Variants in RBFOX1 observed in about 807,000 individuals in gnomAD.
The protein encoded by RBFOX1 is RNA binding fox-1 homolog 1.
In RBFOX1, 8 loss-of-function variants were observed where a neutral mutation model predicts 57.7. The ratio of observed to expected loss-of-function variants is 0.14; its 90% CI spans 0.08 to 0.25. The LOEUF is 0.25. RBFOX1 is among the 10% of genes least tolerant of loss of function. The probability of loss-of-function intolerance (pLI) is 1.00; values close to 1 mark genes in which losing one functional copy is unlikely to be tolerated. For synonymous variants in RBFOX1, 326 were observed against 222.4 expected, an observed-to-expected ratio of 1.47 and a Z score of -4.15; for missense variants, 611 against 548.5, an observed-to-expected ratio of 1.11 and a Z score of -1.14.
chr16:6,712,613 C>G (rs1375443826), intron 3 of RBFOX1, among the ~76,000 whole-genome samples: 1 of 152,122 alleles, frequency 6.6e-6, no homozygotes, highest in Non-Finnish European at 1.5e-5. Context: ...TTAATCATTC[C>G]TTTATTCAGA....
intron 4 of RBFOX1, among the ~76,000 whole-genome samples, chr16:7,500,106 GATCA>G (rs1312351741): frequency 6.6e-6 from 1 of 152,090 alleles, no homozygotes; most frequent in African/African-American, 2.4e-5. Context: ...GTCCTTAAAA[GATCA>G]CACATTCTTA....
intron 5 of RBFOX1, among the ~76,000 whole-genome samples, chr16:7,550,621 G>A (rs376641896): frequency 3.3e-5 from 5 of 152,000 alleles, no homozygotes; most frequent in Admixed American, 1.3e-4. Context: ...TTTTTAATTC[G>A]GACCTCATTG....
chr16:5,690,042 T>C (rs2050625608), intron 3 of RBFOX1, among the ~76,000 whole-genome samples: 2 of 152,160 alleles, frequency 1.3e-5, no homozygotes, highest in African/African-American at 4.8e-5. Context: ...AGTGTGCTGG[T>C]GAAGCTGAAG....
intron 3 of RBFOX1, among the ~76,000 whole-genome samples, chr16:6,849,614 A>G (rs1462907397): frequency 6.6e-6 from 1 of 152,238 alleles, no homozygotes; most frequent in African/African-American, 2.4e-5. Context: ...GGTTTCAGTG[A>G]GCTGAGATTG....
At chr16:7,331,358 T>C (rs1169227041) in intron 4 of RBFOX1, among the ~76,000 whole-genome samples, 1 of 152,156 alleles carries the variant, frequency 6.6e-6, no homozygotes, top group Non-Finnish European at 1.5e-5. Flanking sequence ...TTGAAGGTGA[T>C]TTTCAGTGAT....
intron 4 of RBFOX1, among the ~76,000 whole-genome samples, chr16:7,087,000 T>A (rs1025754598): frequency 7.2e-5 from 11 of 152,216 alleles, no homozygotes; most frequent in South Asian, 6.2e-4. Flanking sequence ...GCTGCAGCGA[T>A]GGGCAGGACC....
At chr16:6,386,384 A>G (rs1474624363) in intron 2 of RBFOX1, among the ~76,000 whole-genome samples, 1 of 152,138 alleles carries the variant, frequency 6.6e-6, no homozygotes, top group Non-Finnish European at 1.5e-5. Flanking sequence ...TGTATTTTCT[A>G]TCATGATTAT....
chr16:7,079,038 T>G (rs1252463001), intron 4 of RBFOX1, among the ~76,000 whole-genome samples: 2 of 151,732 alleles, frequency 1.3e-5, no homozygotes, highest in East Asian at 1.9e-4. Context: ...ATATCTTTTT[T>G]GGGGGGAAAC....
chr16:5,633,904 G>C (rs947768775), intron 3 of RBFOX1, among the ~76,000 whole-genome samples: 1 of 150,576 alleles, frequency 6.6e-6, no homozygotes, highest in Non-Finnish European at 1.5e-5. Context: ...CTCAAAAGAA[G>C]ATATACAGAC....
intron 2 of RBFOX1, among the ~76,000 whole-genome samples, chr16:5,501,150 TA>T (rs1479233101): frequency 6.6e-6 from 1 of 151,782 alleles, no homozygotes; most frequent in Non-Finnish European, 1.5e-5. Flanking sequence ...ACCCCATCTC[TA>T]CTGAAAATAC....
chr16:5,961,808 A>G (rs1224149803), intron 4 of RBFOX1, among the ~76,000 whole-genome samples: 1 of 152,190 alleles, frequency 6.6e-6, no homozygotes, highest in African/African-American at 2.4e-5. Flanking sequence ...GGTTGCATGC[A>G]TGAGTCATCA....
intron 3 of RBFOX1, among the ~76,000 whole-genome samples, chr16:6,693,793 T>TCAC (rs1211897435): frequency 6.7e-6 from 1 of 149,748 alleles, no homozygotes; most frequent in Non-Finnish European, 1.5e-5. Context: ...TCCGCTGCCA[T>TCAC]CACCACCACC....
chr16:5,959,384 T>C lies in RBFOX1; in HGVS notation c.351+92049T>C, dbSNP rs555441849. On this transcript the variant is annotated intron_variant, in intron 4 of 19. Coordinates refer to the RBFOX1 transcript ENST00000641259. ...CTCAGGCCCCAAAGGTCAACTGTTATTAAAATTTTAAATTGGGTGAATGCA... is the reference window on the plus strand; with the variant it reads ...CTCAGGCCCCAAAGGTCAACTGTTACTAAAATTTTAAATTGGGTGAATGCA... 1.4e-3 allele frequency among the ~76,000 whole-genome samples: 210 copies of C among 152,314 alleles called. 1 individual carries two copies. The highest frequency in any genetic ancestry group is 2.5e-3 in the Admixed American group (39 of 15,300).
intron 2 of RBFOX1, among the ~76,000 whole-genome samples, chr16:6,535,061 C>T (rs139599994): frequency 3.9e-4 from 60 of 152,260 alleles, no homozygotes; most frequent in African/African-American, 1.4e-3. Context: ...CATCCTGCAG[C>T]AAAAGCCAGG....
intron 10 of RBFOX1, among the ~76,000 whole-genome samples, chr16:7,619,911 G>T (rs970989570): frequency 6.6e-6 from 1 of 152,152 alleles, no homozygotes; most frequent in African/African-American, 2.4e-5. Context: ...CAGTGGCTCT[G>T]CCGGACAGGA....
At chr16:7,375,697 G>C (rs1192992736) in intron 4 of RBFOX1, among the ~76,000 whole-genome samples, 1 of 152,012 alleles carries the variant, frequency 6.6e-6, no homozygotes, top group Non-Finnish European at 1.5e-5. Context: ...AGTAAAGTTT[G>C]TCCTGAGAGC....
At chr16:5,993,604 G>A (rs576016899) in intron 4 of RBFOX1, among the ~76,000 whole-genome samples, 1 of 152,214 alleles carries the variant, frequency 6.6e-6, no homozygotes, top group Admixed American at 6.5e-5. Flanking sequence ...GATGTTCTCA[G>A]GTTGATATGT....
At chr16:7,190,073 A>T (rs1362080788) in intron 4 of RBFOX1, among the ~76,000 whole-genome samples, 1 of 152,186 alleles carries the variant, frequency 6.6e-6, no homozygotes, top group Non-Finnish European at 1.5e-5. Context: ...TTAAAATAAA[A>T]ATCTTGGCCG....
At chr16:5,252,196 G>A (rs1356430972) in intron 1 of RBFOX1, among the ~76,000 whole-genome samples, 2 of 152,322 alleles carry the variant, frequency 1.3e-5, no homozygotes, top group Middle Eastern at 3.4e-3. Flanking sequence ...ACTCTCTAAG[G>A]CATATGGGTT....
Sources: allele counts gnomAD v4.1 joint callset (sites outside exome capture counted in the v4.1 genomes callset), GRCh38; gene constraint gnomAD v4.1.1; transcripts MANE v1.5; gene names NCBI Gene and HGNC (gene_info 2026-07-23, HGNC 2026-07-21).